The following SUPT3H variants were observed in gnomAD, a reference collection of about 807,000 sequenced individuals.
The protein encoded by SUPT3H is SPT3 homolog, SAGA and STAGA complex component, also known as transcription initiation protein SPT3 homolog.
Under a neutral mutation model 44.3 loss-of-function variants are expected in SUPT3H, and 44 were observed. The observed-to-expected ratio is 0.99, with a 90% CI of 0.78 to 1.28. SUPT3H has a LOEUF of 1.28. Ranked by LOEUF, SUPT3H falls within the 50% of genes most tolerant of loss-of-function variation. SUPT3H has a pLI of 0.00. For missense variants in SUPT3H, 380 were observed against 387.1 expected (o/e 0.98, Z 0.15); for synonymous variants, 124 against 125.6 (o/e 0.99, Z 0.09).
intron 3 of SUPT3H, among the ~76,000 whole-genome samples, chr6:45,056,032 C>T: frequency 6.6e-6 from 1 of 152,112 alleles, no homozygotes; most frequent in Non-Finnish European, 1.5e-5. Context: ...ATAGATAATT[C>T]TCAAAAGAAT....
intron 2 of SUPT3H, among the ~76,000 whole-genome samples, chr6:45,301,058 C>A (rs1460806365): frequency 6.6e-6 from 1 of 152,094 alleles, no homozygotes; most frequent in Non-Finnish European, 1.5e-5. Flanking sequence ...ACCTACCTAC[C>A]CCCTGGGAAA....
intron 10 of SUPT3H, among the ~76,000 whole-genome samples, chr6:44,929,976 T>C (rs1253408234): frequency 6.6e-6 from 1 of 151,850 alleles, no homozygotes; most frequent in African/African-American, 2.4e-5. Context: ...GCCTGGGCGC[T>C]GTGGCTCATA....
At chr6:44,839,979 C>T (rs9472380) in intron 10 of SUPT3H, among the ~76,000 whole-genome samples, 8,481 of 152,292 alleles carry the variant, frequency 0.056, 723 homozygotes, top group African/African-American at 0.18. Context: ...GGATTACAGG[C>T]GTGAGCCACC....
chr6:45,147,873 GAAGA>G (rs1479651271), intron 2 of SUPT3H, among the ~76,000 whole-genome samples: 5 of 152,050 alleles, frequency 3.3e-5, no homozygotes, highest in Admixed American at 6.6e-5. Context: ...GTAAGAGAAA[GAAGA>G]AAGATGATGA....
chr6:45,182,578 A>T (rs1366392724), intron 2 of SUPT3H, among the ~76,000 whole-genome samples: 1 of 152,178 alleles, frequency 6.6e-6, no homozygotes, highest in Admixed American at 6.5e-5. Flanking sequence ...TCTTTTTTAA[A>T]TACACTTTTT....
At chr6:45,012,150 T>C (rs1373697850) in intron 5 of SUPT3H, among the ~76,000 whole-genome samples, 1 of 150,994 alleles carries the variant, frequency 6.6e-6, no homozygotes, top group Non-Finnish European at 1.5e-5. Context: ...GATTTCTTTA[T>C]GTTTATCCTA....
At chr6:45,039,694 C>T (rs1353810275) in intron 3 of SUPT3H, among the ~76,000 whole-genome samples, 2 of 151,982 alleles carry the variant, frequency 1.3e-5, no homozygotes, top group Non-Finnish European at 2.9e-5. Flanking sequence ...GCAGGATAAT[C>T]GCTTGAACCT....
At chr6:45,168,400 T>G (rs1267325477) in intron 2 of SUPT3H, among the ~76,000 whole-genome samples, 7 of 152,148 alleles carry the variant, frequency 4.6e-5, no homozygotes, top group Non-Finnish European at 7.4e-5. Flanking sequence ...AATGGTCCAA[T>G]GAGCATTTCC....
rs148685978 is a variant in SUPT3H at position 45,160,950 on chromosome 6, G to A, written c.102-54944C>T. On this transcript the variant is annotated intron_variant, in intron 2 of 10. Coordinates refer to ENST00000371459, the MANE Select transcript of SUPT3H (RefSeq NM_003599.4). ...TGTTGGAGTGTGGGCCTAGTGGGAG[G>A]TGTTTGGGTCATGGGGGCGGATCCC... is the stretch of plus-strand genomic sequence containing the variant. 9.8e-3 allele frequency among the ~76,000 whole-genome samples: 1,486 copies of A among 152,156 alleles called. 14 individuals carry two copies. The highest frequency in any genetic ancestry group is 0.015 in the Non-Finnish European group (1,032 of 68,002).
intron 6 of SUPT3H, among the ~76,000 whole-genome samples, chr6:44,976,943 T>C (rs1382044633): frequency 6.6e-6 from 1 of 152,178 alleles, no homozygotes; most frequent in Non-Finnish European, 1.5e-5. Flanking sequence ...TTTAACAAAA[T>C]GGTTTCTGTT....
intron 9 of SUPT3H, among the ~76,000 whole-genome samples, chr6:44,943,445 G>A (rs1582655979): frequency 6.6e-6 from 1 of 151,972 alleles, no homozygotes; most frequent in Non-Finnish European, 1.5e-5. Context: ...GAGGGAATAA[G>A]GCAGAAAAAA....
At chr6:45,252,861 C>A (rs1487351079) in intron 2 of SUPT3H, among the ~76,000 whole-genome samples, 2 of 151,690 alleles carry the variant, frequency 1.3e-5, no homozygotes, top group South Asian at 2.1e-4. Context: ...CAAGAAAAAA[C>A]CCAAGAAAAA....
intron 10 of SUPT3H, among the ~76,000 whole-genome samples, chr6:44,888,034 G>C (rs866908916): frequency 2.0e-5 from 3 of 152,040 alleles, no homozygotes; most frequent in Non-Finnish European, 1.5e-5. Context: ...ATAAATTCCT[G>C]GACACATACA....
chr6:44,890,683 C>T (rs1473433306), intron 10 of SUPT3H, among the ~76,000 whole-genome samples: 1 of 149,812 alleles, frequency 6.7e-6, no homozygotes, highest in Non-Finnish European at 1.5e-5. Context: ...GGGTGCAGCA[C>T]ACCAGCATGG....
intron 3 of SUPT3H, among the ~76,000 whole-genome samples, chr6:45,072,422 T>A (rs986842212): frequency 4.6e-5 from 7 of 152,046 alleles, no homozygotes; most frequent in African/African-American, 1.4e-4. Context: ...AAAATAAGAG[T>A]GTTTAGAAAC....
intron 2 of SUPT3H, among the ~76,000 whole-genome samples, chr6:45,277,232 A>G (rs1363836709): frequency 6.6e-6 from 1 of 152,202 alleles, no homozygotes; most frequent in East Asian, 1.9e-4. Context: ...ACTTTTCTCT[A>G]TTAGAAGTGT....
chr6:44,937,639 A>G (rs1443032558), intron 9 of SUPT3H, among the ~76,000 whole-genome samples: 1 of 152,130 alleles, frequency 6.6e-6, no homozygotes, highest in African/African-American at 2.4e-5. Context: ...GTGTAAAATG[A>G]TATCTCATTG....
Position 44,908,461 on chromosome 6 carries a change from T to C in SUPT3H, c.912+24192A>G, listed in dbSNP as rs529648828. On this transcript the variant is annotated intron_variant, in intron 10 of 10. Coordinates refer to ENST00000371459, the MANE Select transcript of SUPT3H (RefSeq NM_003599.4). ...CCACCGTGTCTGGCCAGAAATACCA[T>C]TTTTAAAAGCTAGACACTGGGCACT... Among the ~76,000 whole-genome samples the C allele has an allele frequency of 2.5e-4, 38 of 152,250 alleles. 1 individual carries two copies. The South Asian group carries it at 7.7e-3, about 31-fold the overall frequency.
chr6:45,063,417 GGAAC>G, intron 3 of SUPT3H, among the ~76,000 whole-genome samples: 1 of 150,738 alleles, frequency 6.6e-6, no homozygotes, highest in Non-Finnish European at 1.5e-5. Context: ...CTCCTCCAAA[GGAAC>G]GCAGCTCCTC....
Sources: allele counts gnomAD v4.1 joint callset (sites outside exome capture counted in the v4.1 genomes callset), GRCh38; gene constraint gnomAD v4.1.1; transcripts MANE v1.5; gene names NCBI Gene and HGNC (gene_info 2026-07-23, HGNC 2026-07-21).